Variants in COMMD1 observed in about 807,000 individuals in gnomAD.
COMMD1 encodes copper metabolism domain containing 1, also known as COMM domain-containing protein 1.
In COMMD1, 10 loss-of-function variants were observed where a neutral mutation model predicts 17.2. The ratio of observed to expected loss-of-function variants is 0.58; its 90% CI spans 0.36 to 0.99. The LOEUF is 0.99. Among genes scored for constraint, COMMD1 ranks in the 50% least tolerant of loss-of-function variants. The probability of loss-of-function intolerance (pLI) is 0.01; values close to 1 mark genes in which losing one functional copy is unlikely to be tolerated. For synonymous variants in COMMD1, 97 were observed against 91.6 expected (o/e 1.06, Z -0.34); for missense variants, 270 against 231.8 (o/e 1.17, Z -1.07).
chr2:61,924,933 C>T (rs933433380), intron 1 of COMMD1, among the ~76,000 whole-genome samples: 1 of 152,164 alleles, frequency 6.6e-6, no homozygotes, highest in African/African-American at 2.4e-5. Flanking sequence ...TCAGGCGTCC[C>T]TGAAGCAGAG....
intron 2 of COMMD1, among the ~76,000 whole-genome samples, chr2:62,026,445 C>T (rs1395227295): frequency 6.6e-6 from 1 of 152,182 alleles, no homozygotes; most frequent in Non-Finnish European, 1.5e-5. Flanking sequence ...ATGGTGAGGA[C>T]TGCACCAAGC....
chr2:62,099,886 G>A (rs181274596), intron 2 of COMMD1, among the ~76,000 whole-genome samples: 24 of 152,144 alleles, frequency 1.6e-4, no homozygotes, highest in Admixed American at 1.3e-3. Flanking sequence ...ACCCAGGGGC[G>A]CCTTCCAGCT....
Position 62,009,521 on chromosome 2 carries a change from C to T in COMMD1, c.462+8539C>T, listed in dbSNP as rs978984415. 3.3e-5 allele frequency among the ~76,000 whole-genome samples: 5 copies of T among 150,846 alleles called. No individual in the cohort carries two copies. In the East Asian group the frequency reaches 9.8e-4, roughly 30 times the overall value. ...TTGGGAGGCTGAGGTAGGAGAATCG[C>T]TTGAACTGGGAGGCAGAGGTTGCAG... On this transcript the variant is annotated intron_variant, in intron 2 of 2. Transcript: ENST00000311832.
intron 1 of COMMD1, among the ~76,000 whole-genome samples, chr2:61,930,239 A>G (rs1349785223): frequency 2.0e-5 from 3 of 152,110 alleles, no homozygotes; most frequent in African/African-American, 7.2e-5. Context: ...TCCAGAACTG[A>G]TTAGTCTCTA....
intron 1 of COMMD1, among the ~76,000 whole-genome samples, chr2:61,899,091 T>C (rs1226749199): frequency 2.0e-5 from 3 of 152,160 alleles, no homozygotes; most frequent in Admixed American, 6.5e-5. Context: ...TCCAGTGATA[T>C]GTGGCAGAAT....
intron 1 of COMMD1, among the ~76,000 whole-genome samples, chr2:61,911,006 C>T (rs1669891371): frequency 6.6e-6 from 1 of 151,772 alleles, no homozygotes; most frequent in Admixed American, 6.6e-5. Flanking sequence ...TCACTTGAAC[C>T]CGGGAGGCGG....
At chr2:61,891,621 G>A (rs558515340) in intron 1 of COMMD1, among the ~76,000 whole-genome samples, 377 of 151,652 alleles carry the variant, frequency 2.5e-3, no homozygotes, top group African/African-American at 8.3e-3. Flanking sequence ...CCAGCTGTTC[G>A]GGAGGCTGAG....
intron 2 of COMMD1, among the ~76,000 whole-genome samples, chr2:62,007,887 A>T (rs1320611232): frequency 2.6e-5 from 4 of 152,170 alleles, no homozygotes; most frequent in Non-Finnish European, 5.9e-5. Context: ...CATATAATTA[A>T]TAATCCGTTT....
chr2:61,905,760 C>G lies in COMMD1; in HGVS notation c.82C>G (p.Pro28Ala). ...ALAQDTFHGY[P>A]GITEELLRSQ... is the part of the protein sequence containing the mutation. ...GGCCCAGGACACTTTCCACGGGTAC[C>G]CCGGCATCACAGAGGAGCTGCTACG... The change falls in exon 1 of 3, where the codon CCC becomes GCC. Residue 28 changes from proline to alanine, a missense_variant. Physicochemically the swap from Pro to Ala is conservative, Grantham distance 27. Coordinates refer to ENST00000311832, the MANE Select transcript of COMMD1 (RefSeq NM_152516.4). The G allele has an allele frequency of 6.2e-7, 1 of 1,614,090 alleles. No homozygotes were observed. The highest frequency in any genetic ancestry group is 1.1e-5 in the South Asian group (1 of 91,062).
intron 2 of COMMD1, among the ~76,000 whole-genome samples, chr2:62,043,704 A>G (rs986294134): frequency 3.9e-5 from 6 of 152,230 alleles, no homozygotes; most frequent in African/African-American, 1.4e-4. Context: ...TGAAAGAAGA[A>G]TATTAATGAT....
intron 1 of COMMD1, among the ~76,000 whole-genome samples, chr2:61,955,834 C>T (rs1272791788): frequency 2.0e-5 from 3 of 151,986 alleles, no homozygotes; most frequent in African/African-American, 4.8e-5. Context: ...TACAGGCGCC[C>T]ACCACCACGC....
At chr2:61,918,503 A>G (rs1670104890) in intron 1 of COMMD1, 1 of 152,226 alleles carries the variant, frequency 6.6e-6, no homozygotes, top group African/African-American at 2.4e-5. Context: ...AATGTCCTGT[A>G]AATCTTTTTT....
At chr2:62,082,948 C>G (rs997574843) in intron 2 of COMMD1, among the ~76,000 whole-genome samples, 1 of 152,078 alleles carries the variant, frequency 6.6e-6, no homozygotes, top group Non-Finnish European at 1.5e-5. Flanking sequence ...TAGCATCTCT[C>G]ATTTTTAGGA....
At chr2:62,133,636 A>T (rs1187564163) in intron 2 of COMMD1, among the ~76,000 whole-genome samples, 1 of 152,114 alleles carries the variant, frequency 6.6e-6, no homozygotes, top group Non-Finnish European at 1.5e-5. Context: ...TTGTGGAGAG[A>T]AGTGACTAGA....
chr2:62,016,355 C>T, intron 2 of COMMD1, among the ~76,000 whole-genome samples: 1 of 151,614 alleles, frequency 6.6e-6, no homozygotes, highest in South Asian at 2.1e-4. Flanking sequence ...ACTACAGGTG[C>T]AAGCTACCAT....
chr2:61,978,059 G>A (rs905218063), intron 1 of COMMD1, among the ~76,000 whole-genome samples: 2 of 152,048 alleles, frequency 1.3e-5, no homozygotes, highest in Admixed American at 6.6e-5. Flanking sequence ...GCTTTGAGAG[G>A]CTGACGCAGG....
At chr2:61,999,790 AATTAT>A (rs1211187896) in intron 1 of COMMD1, among the ~76,000 whole-genome samples, 4 of 152,074 alleles carry the variant, frequency 2.6e-5, no homozygotes, top group Non-Finnish European at 4.4e-5. Context: ...GATATTTAAA[AATTAT>A]ATTCTAGTTA....
intron 2 of COMMD1, among the ~76,000 whole-genome samples, chr2:62,104,224 G>A (rs1368745073): frequency 6.6e-6 from 1 of 152,184 alleles, no homozygotes; most frequent in Non-Finnish European, 1.5e-5. Context: ...TGGGCACAGT[G>A]GCTTACGCTT....
chr2:62,069,510 G>C (rs1486083637), intron 2 of COMMD1: 3 of 152,154 alleles, frequency 2.0e-5, no homozygotes, highest in African/African-American at 4.8e-5. Flanking sequence ...GATAGTATTA[G>C]GAGTAGCAAC....
Sources: allele counts gnomAD v4.1 joint callset (sites outside exome capture counted in the v4.1 genomes callset), GRCh38; gene constraint gnomAD v4.1.1; transcripts MANE v1.5; gene names NCBI Gene and HGNC (gene_info 2026-07-23, HGNC 2026-07-21).